The following ZNF253 variants were observed in gnomAD, a reference collection of about 807,000 sequenced individuals.
ZNF253 encodes the protein zinc finger protein 253.
Under a neutral mutation model 11.9 loss-of-function variants are expected in ZNF253, and 8 were observed. The ratio of observed to expected loss-of-function variants is 0.67; its 90% CI spans 0.40 to 1.22. ZNF253 has a LOEUF of 1.22. Among genes scored for constraint, ZNF253 ranks in the 50% most tolerant of loss-of-function variants. The pLI, the probability that ZNF253 is intolerant of heterozygous loss-of-function variation, is 0.01. For synonymous variants in ZNF253, 194 were observed against 194.9 expected (o/e 1.00, Z 0.04); for missense variants, 485 against 586.9 (o/e 0.83, Z 1.79).
intron 3 of ZNF253, among the ~76,000 whole-genome samples, chr19:19,889,985 A>T (rs1410334011): frequency 6.6e-6 from 1 of 152,142 alleles, no homozygotes; most frequent in Non-Finnish European, 1.5e-5. Flanking sequence ...TTCACTTTTT[A>T]TGGCTGCTTT....
At chr19:19,888,746 G>A (rs2063216680) in intron 3 of ZNF253, among the ~76,000 whole-genome samples, 1 of 151,970 alleles carries the variant, frequency 6.6e-6, no homozygotes, top group Admixed American at 6.6e-5. Context: ...GTGCCATTAT[G>A]ATAATAAGTA....
At chr19:19,887,196 C>G (rs1424348542) in intron 3 of ZNF253, among the ~76,000 whole-genome samples, 1 of 151,528 alleles carries the variant, frequency 6.6e-6, no homozygotes, top group Non-Finnish European at 1.5e-5. Context: ...TTATTTTCAG[C>G]CTATTTGACT....
chr19:19,892,151 C>T lies in ZNF253; in HGVS notation c.904C>T (p.His302Tyr), dbSNP rs766117949. 3 of 1,613,820 alleles carry T rather than the reference C, an allele frequency of 1.9e-6. No homozygotes were observed. Among genetic ancestry groups the T allele is most frequent in the African/African-American group, 1.3e-5 (1 of 74,970 alleles). ...AFKHPSHVTT[H>Y]KKIHTRGKPY... ...TAAGCACCCCTCACACGTTACCACA[C>T]ATAAGAAAATTCATACTAGAGGGAA... Residue 302 changes from histidine (H) to tyrosine (Y), a missense_variant, in exon 4 of 4, where the codon CAT becomes TAT. By Grantham distance (83) the His-to-Tyr change is moderately conservative (BLOSUM62 2). Transcript: ENST00000589717.
Position 19,892,986 on chromosome 19 carries a change from T to G in ZNF253, c.*239T>G. 3.1e-6 allele frequency: 1 copy of G among 324,330 alleles called. No individual in the cohort carries two copies. The highest frequency in any genetic ancestry group is 4.9e-6 in the Non-Finnish European group (1 of 203,246). 20.1% of individuals were successfully genotyped at this position (324,330 alleles called of 1,614,324 possible). A position where few individuals can be genotyped will look rare whatever the true frequency, so the allele number is the denominator to read the frequency against. On this transcript the variant is annotated 3_prime_UTR_variant, in exon 4 of 4. Transcript: ENST00000589717. ...AAACCTATAACAAGTTCTCAATTCC[T>G]TTTTTTTTGAGATGGAGTTTCACTC...
chr19:19,885,738 A>C (rs974205724), intron 3 of ZNF253, among the ~76,000 whole-genome samples: 30 of 152,056 alleles, frequency 2.0e-4, no homozygotes, highest in African/African-American at 7.0e-4. Context: ...TTGTCTAAGT[A>C]TTTTATTTAA....
intron 3 of ZNF253, among the ~76,000 whole-genome samples, chr19:19,888,908 C>A (rs896838870): frequency 5.9e-5 from 9 of 152,040 alleles, no homozygotes; most frequent in Admixed American, 1.3e-4. Flanking sequence ...TGCCAATATA[C>A]TTTCTTAGGA....
At chr19:19,876,811 T>C (rs1268376420) in intron 1 of ZNF253, among the ~76,000 whole-genome samples, 1 of 152,154 alleles carries the variant, frequency 6.6e-6, no homozygotes, top group Non-Finnish European at 1.5e-5. Flanking sequence ...TTCTCTACTT[T>C]TGCTTTTTTT....
chr19:19,883,729 C>T (rs2063187345), intron 3 of ZNF253, among the ~76,000 whole-genome samples: 1 of 152,260 alleles, frequency 6.6e-6, no homozygotes, highest in South Asian at 2.1e-4. Flanking sequence ...GACAAACCTT[C>T]AACTTTCTGT....
chr19:19,890,498 TTGTGTGTGTGTGTGTGTGTGTGTG>T (rs35114806), intron 3 of ZNF253, among the ~76,000 whole-genome samples: 1 of 140,950 alleles, frequency 7.1e-6, no homozygotes, highest in Non-Finnish European at 1.5e-5. Flanking sequence ...CAATTTATAT[TTGTGTGTGTGTGTGTGTGTGTGTG>T]TGTGTGTGTG....
chr19:19,880,487 G>A (rs149821036), intron 3 of ZNF253, among the ~76,000 whole-genome samples: 8 of 152,042 alleles, frequency 5.3e-5, no homozygotes, highest in South Asian at 2.1e-4. Context: ...GGTGGATCAC[G>A]GGAGGTCAGA....
At chr19:19,880,240 C>A in intron 3 of ZNF253, 94 bp downstream of exon 3, 1 of 877,334 alleles carries the variant, frequency 1.1e-6, no homozygotes. Flanking sequence ...ATTCTGGAAG[C>A]TGTGTTCCAA....
chr19:19,872,583 T>TATATATATTATTATATA (rs371297261), intron 1 of ZNF253, among the ~76,000 whole-genome samples: 1 of 120,766 alleles, frequency 8.3e-6, no homozygotes, highest in African/African-American at 4.1e-5. Context: ...ATATATATTA[T>TATATATATTATTATATA]TATATATATA....
Position 19,885,349 on chromosome 19 carries a change from TCTTTCTTCCTTTC to T in ZNF253, c.226+5204_226+5216del, listed in dbSNP as rs1568499293. On this transcript the variant is annotated intron_variant, in intron 3 of 3. Transcript: ENST00000589717. ...TTCTTTCTTTCTTTCTTTCTTTCTTTCTTTCTTCCTTTCTTTTCTTTCTTTTCTTTCTTTTCTT... is the reference window on the plus strand; with the variant it reads ...TTCTTTCTTTCTTTCTTTCTTTCTTTTTTTCTTTCTTTTCTTTCTTTTCTT... Among the ~76,000 whole-genome samples the T allele has an allele frequency of 9.0e-5, 6 of 66,830 alleles. 1 individual carries two copies. In the African/African-American group the frequency reaches 1.2e-3, roughly 13 times the overall value. The allele number at this position is 66,830 out of a possible 152,430, so 43.8% of individuals were successfully genotyped here. A position where few individuals can be genotyped will look rare whatever the true frequency, so the allele number is the denominator to read the frequency against.
chr19:19,870,219 C>T (rs997553321), intron 1 of ZNF253, among the ~76,000 whole-genome samples: 2 of 151,478 alleles, frequency 1.3e-5, no homozygotes, highest in Admixed American at 6.6e-5. Flanking sequence ...ATGGTGTAAC[C>T]CCATCTCTAC....
intron 3 of ZNF253, among the ~76,000 whole-genome samples, chr19:19,887,945 C>T (rs2063213109): frequency 6.6e-6 from 1 of 151,370 alleles, no homozygotes; most frequent in East Asian, 1.9e-4. Flanking sequence ...CCATGTTGAT[C>T]AGGCTGATAA....
At chr19:19,877,178 G>A (rs1428566336) in intron 1 of ZNF253, among the ~76,000 whole-genome samples, 4 of 152,114 alleles carry the variant, frequency 2.6e-5, no homozygotes, top group Non-Finnish European at 4.4e-5. Flanking sequence ...TACCCAGAAA[G>A]TTCTGAAAGA....
intron 3 of ZNF253, among the ~76,000 whole-genome samples, chr19:19,887,243 A>G (rs1341962709): frequency 6.6e-6 from 1 of 151,696 alleles, no homozygotes; most frequent in Non-Finnish European, 1.5e-5. Context: ...AGCGTACTGT[A>G]TGCTTTTTAA....
intron 1 of ZNF253, among the ~76,000 whole-genome samples, chr19:19,869,398 CTTG>C (rs2063123405): frequency 6.6e-6 from 1 of 151,776 alleles, no homozygotes; most frequent in South Asian, 2.1e-4. Context: ...GTGTTTTGCT[CTTG>C]TTGTCCAGGA....
Position 19,892,982 on chromosome 19 carries a change from T to G in ZNF253, c.*235T>G. The G allele has an allele frequency of 2.3e-6, 1 of 427,324 alleles. No individual in the cohort carries two copies. The allele number at this position is 427,324 out of a possible 1,614,324, so 26.5% of individuals were successfully genotyped here. ...CTATAAACCTATAACAAGTTCTCAA[T>G]TCCTTTTTTTTTGAGATGGAGTTTC... On this transcript the variant is annotated 3_prime_UTR_variant, in exon 4 of 4. Transcript: ENST00000589717.
Sources: gnomAD v4.1 joint callset for allele counts (sites outside exome capture counted in the v4.1 genomes callset) on GRCh38, gnomAD v4.1.1 for gene constraint, MANE v1.5 for transcripts, NCBI Gene and HGNC (gene_info 2026-07-23, HGNC 2026-07-21) for gene names.